Variants in WDR93 observed in about 807,000 individuals in gnomAD.
WDR93 encodes WD repeat-containing protein 93.
WDR93 carries 73 observed loss-of-function variants against 82.9 expected under a neutral mutation model. The observed-to-expected ratio is 0.88, with a 90% confidence interval of 0.73 to 1.07. WDR93 has a LOEUF of 1.07. WDR93 is among the 50% of genes least tolerant of loss of function. The pLI, the probability that WDR93 is intolerant of heterozygous loss-of-function variation, is 0.00. For synonymous variants in WDR93, 283 were observed against 300.1 expected, an observed-to-expected ratio of 0.94 and a Z score of 0.59; for missense variants, 738 against 826.0, an observed-to-expected ratio of 0.89 and a Z score of 1.31.
At chr15:89,701,189 C>T (rs1189181035) in intron 1 of WDR93, among the ~76,000 whole-genome samples, 2 of 151,856 alleles carry the variant, frequency 1.3e-5, no homozygotes, top group Admixed American at 6.6e-5. Flanking sequence ...ATCTCATGGG[C>T]CCTGAGCACT....
At chr15:89,724,240 G>A (rs1208284755) in intron 8 of WDR93, among the ~76,000 whole-genome samples, 1 of 152,124 alleles carries the variant, frequency 6.6e-6, no homozygotes, top group Non-Finnish European at 1.5e-5. Flanking sequence ...TACTTGGGAG[G>A]TTAAAGCGGG....
At chr15:89,715,175 T>G (rs1449082190) in intron 6 of WDR93, 80 bp downstream of exon 6, 3 of 1,276,566 alleles carry the variant, frequency 2.4e-6, no homozygotes, top group Non-Finnish European at 3.3e-6. Flanking sequence ...TGGAAACTTA[T>G]GGTGAATGAG....
Position 89,743,296 on chromosome 15 carries a change from C to A in WDR93, c.1966C>A (p.Arg656=), listed in dbSNP as rs189442055. The A allele has an allele frequency of 1.9e-6, 3 of 1,614,136 alleles. No homozygotes were observed. Among genetic ancestry groups the A allele is most frequent in the Admixed American group, 3.3e-5 (2 of 60,026 alleles). ...TCACAGTTGTGTGGCCCTCAGCTAT[C>A]GGAAGCTGGAGAAGAACCCAGAGAA... The part of the protein sequence containing the change: ...RCERFLQKSY[R]KLEKNPEKEE... The change falls in exon 17 of 17, where the codon CGG becomes AGG. Residue 656 remains arginine, a synonymous_variant. Coordinates refer to ENST00000268130, the MANE Select transcript of WDR93 (RefSeq NM_020212.2).
intron 11 of WDR93, among the ~76,000 whole-genome samples, chr15:89,730,764 T>C (rs1268040289): frequency 6.6e-6 from 1 of 152,050 alleles, no homozygotes; most frequent in African/African-American, 2.4e-5. Flanking sequence ...CATGAGCCTG[T>C]AGTCCCAACT....
intron 1 of WDR93, among the ~76,000 whole-genome samples, chr15:89,691,381 C>G (rs931354314): frequency 1.3e-5 from 2 of 152,188 alleles, no homozygotes; most frequent in African/African-American, 4.8e-5. Context: ...AGGAGCCTTA[C>G]CCACTCCGTG....
At chr15:89,720,034 G>A (rs369845272) in intron 7 of WDR93, among the ~76,000 whole-genome samples, 4 of 151,908 alleles carry the variant, frequency 2.6e-5, no homozygotes, top group East Asian at 1.9e-4. Context: ...TCCTGACCTC[G>A]TGATCCCACC....
intron 5 of WDR93, among the ~76,000 whole-genome samples, chr15:89,712,627 C>A (rs1371495414): frequency 2.0e-5 from 3 of 151,948 alleles, no homozygotes; most frequent in Non-Finnish European, 2.9e-5. Flanking sequence ...GGGGAAGATA[C>A]AACAGAGGTG....
At position 89,696,069 on chromosome 15, in the gene WDR93, G is replaced by T. The variant is rs577937773; in HGVS notation, c.-41+5212G>T. Among the ~76,000 whole-genome samples, 9 of 151,950 alleles carry T rather than the reference G, an allele frequency of 5.9e-5. No individual in the cohort carries two copies. The South Asian group carries it at 1.9e-3, about 32-fold the overall frequency. Reference sequence around the variant, plus strand: ...TGACCTCAAGTGATTCACCCGCCTTGGCCCCCCAAAGTGCTGAGATTACAG... The same window carrying T: ...TGACCTCAAGTGATTCACCCGCCTTTGCCCCCCAAAGTGCTGAGATTACAG... On this transcript the variant is annotated intron_variant, in intron 1 of 16. Coordinates refer to ENST00000268130, the MANE Select transcript of WDR93 (RefSeq NM_020212.2).
chr15:89,729,346 C>T (rs1362215257), intron 10 of WDR93, among the ~76,000 whole-genome samples: 3 of 152,108 alleles, frequency 2.0e-5, no homozygotes, highest in African/African-American at 4.8e-5. Context: ...AGCCCACATC[C>T]ACCGGGCTGC....
At chr15:89,731,639 C>T in intron 12 of WDR93, 77 bp downstream of exon 12, 1 of 1,592,268 alleles carries the variant, frequency 6.3e-7, no homozygotes, top group Admixed American at 1.7e-5. Flanking sequence ...GGAATTCCCA[C>T]AGGCCCTGGG....
intron 6 of WDR93, among the ~76,000 whole-genome samples, chr15:89,715,519 C>T (rs185674244): frequency 2.0e-5 from 3 of 151,942 alleles, no homozygotes. Flanking sequence ...TTTCTATTAT[C>T]CTTAGAAAGT....
chr15:89,694,289 C>T (rs182551290), intron 1 of WDR93, among the ~76,000 whole-genome samples: 2 of 134,462 alleles, frequency 1.5e-5, no homozygotes, highest in Non-Finnish European at 1.5e-5. Context: ...CTCGCTCTGT[C>T]GCCCAGGCTG....
chr15:89,738,661 T>C (rs1029041364), intron 16 of WDR93, among the ~76,000 whole-genome samples: 1 of 144,842 alleles, frequency 6.9e-6, no homozygotes, highest in African/African-American at 2.6e-5. Context: ...TTCCCCTAAG[T>C]GAAGGGTTCT....
intron 1 of WDR93, among the ~76,000 whole-genome samples, chr15:89,698,175 C>T (rs1328727531): frequency 3.3e-5 from 5 of 152,130 alleles, no homozygotes; most frequent in Non-Finnish European, 5.9e-5. Context: ...TGAACCACTG[C>T]ACCCGGCCCA....
intron 16 of WDR93, among the ~76,000 whole-genome samples, chr15:89,740,868 G>A (rs137936743): frequency 0.016 from 2,500 of 152,204 alleles, 80 homozygotes; most frequent in African/African-American, 0.057. Context: ...GGCCGGGCGC[G>A]GTGGCTCACA....
chr15:89,740,851 T>C (rs986912614), intron 16 of WDR93, among the ~76,000 whole-genome samples: 3 of 152,110 alleles, frequency 2.0e-5, no homozygotes, highest in South Asian at 2.1e-4. Context: ...TTAAAAAGTG[T>C]TAAATTGGCC....
intron 1 of WDR93, among the ~76,000 whole-genome samples, chr15:89,697,783 C>G (rs534088603): frequency 3.3e-5 from 5 of 151,940 alleles, no homozygotes; most frequent in African/African-American, 1.2e-4. Context: ...TCATTAAATT[C>G]TATCCATTTT....
At chr15:89,732,982 G>A (rs374598572) in intron 12 of WDR93, 24 bp from the exon 13 acceptor site, 38 of 1,611,422 alleles carry the variant, frequency 2.4e-5, no homozygotes, top group African/African-American at 2.3e-4. Flanking sequence ...TTTTCTGACC[G>A]GCTTGTGTGA....
chr15:89,719,924 C>T (rs1284557985), intron 7 of WDR93, among the ~76,000 whole-genome samples: 3 of 151,966 alleles, frequency 2.0e-5, no homozygotes, highest in African/African-American at 4.8e-5. Context: ...CTCAGCCTCC[C>T]GAGTAGCTGG....
Sources: allele counts gnomAD v4.1 joint callset (sites outside exome capture counted in the v4.1 genomes callset), GRCh38; gene constraint gnomAD v4.1.1; transcripts MANE v1.5; gene names NCBI Gene and HGNC (gene_info 2026-07-23, HGNC 2026-07-21).